The following IQCB1 variants were observed in gnomAD, a reference collection of about 807,000 sequenced individuals.
The protein encoded by IQCB1 is IQ motif containing B1, also known as IQ calmodulin-binding motif-containing protein 1.
Under a neutral mutation model 84.4 loss-of-function variants are expected in IQCB1, and 56 were observed. The observed-to-expected ratio is 0.66, with a 90% CI of 0.54 to 0.83. IQCB1 has a LOEUF of 0.83. Ranked by LOEUF, IQCB1 falls within the 40% of genes least tolerant of loss-of-function variation. The pLI is 0.00. For synonymous variants in IQCB1, 210 were observed against 234.8 expected, an observed-to-expected ratio of 0.89 and a Z score of 0.96; for missense variants, 629 against 682.1, an observed-to-expected ratio of 0.92 and a Z score of 0.87.
At chr3:121,814,275 G>C (rs1347474258) in intron 5 of IQCB1, among the ~76,000 whole-genome samples, 1 of 152,182 alleles carries the variant, frequency 6.6e-6, no homozygotes, top group Non-Finnish European at 1.5e-5. Flanking sequence ...ACAGTGTGTA[G>C]AGGGAAATTT....
chr3:121,791,709 G>GATA (rs1439611127), intron 10 of IQCB1, among the ~76,000 whole-genome samples: 1 of 152,206 alleles, frequency 6.6e-6, no homozygotes, highest in Admixed American at 6.5e-5. Flanking sequence ...ACAGCATGCA[G>GATA]ATAATAATGT....
intron 5 of IQCB1, among the ~76,000 whole-genome samples, chr3:121,815,382 T>G (rs1950011653): frequency 6.6e-6 from 1 of 152,172 alleles, no homozygotes; most frequent in Admixed American, 6.5e-5. Flanking sequence ...TCCACCCCTA[T>G]TCAACATAGT....
At position 121,770,399 on chromosome 3, in the gene IQCB1, A is replaced by C; in HGVS notation, c.1743T>G (p.Asp581Glu). The C allele has an allele frequency of 6.2e-7, 1 of 1,614,174 alleles. No individual in the cohort carries two copies. Among genetic ancestry groups the C allele is most frequent in the South Asian group, 1.1e-5 (1 of 91,088 alleles). ...AATTTTCTAATTCTATACTAAGCTC[A>C]TCCTTTGGAACATCAATCTCATCTC... ...ESGDEIDVPK[D>E]ELSIELENLF... Residue 581 changes from aspartate to glutamate, a missense_variant, in exon 15 of 15, where the codon GAT becomes GAG. Physicochemically the swap from Asp to Glu is conservative, Grantham distance 45. Coordinates refer to ENST00000310864, the MANE Select transcript of IQCB1 (RefSeq NM_001023570.4).
At chr3:121,788,778 G>A (rs1212595259) in intron 11 of IQCB1, among the ~76,000 whole-genome samples, 1 of 150,912 alleles carries the variant, frequency 6.6e-6, no homozygotes, top group East Asian at 1.9e-4. Flanking sequence ...GGCAAAATGT[G>A]TGTATGTGTT....
intron 13 of IQCB1, among the ~76,000 whole-genome samples, chr3:121,779,214 G>A (rs998683140): frequency 4.6e-5 from 7 of 151,954 alleles, no homozygotes; most frequent in Non-Finnish European, 8.8e-5. Context: ...TTTTTAGTTT[G>A]GAAAGTTTTC....
At chr3:121,834,289 C>T (rs1345527297) in intron 2 of IQCB1, 102 bp downstream of exon 2, 1 of 152,216 alleles carries the variant, frequency 6.6e-6, no homozygotes, top group Admixed American at 6.5e-5. Flanking sequence ...TGTAAACTTT[C>T]TCGAGTGTTT....
At chr3:121,825,147 G>A (rs1188448014) in intron 5 of IQCB1, among the ~76,000 whole-genome samples, 1 of 147,314 alleles carries the variant, frequency 6.8e-6, no homozygotes, top group Non-Finnish European at 1.5e-5. Context: ...TGCAACCTCT[G>A]CCTCCTGGGT....
intron 10 of IQCB1, 102 bp downstream of exon 10, chr3:121,795,355 A>G: frequency 2.6e-6 from 2 of 757,794 alleles, no homozygotes; most frequent in Non-Finnish European, 4.8e-6. Context: ...AAAAGATAAC[A>G]AGAAACATAC....
At chr3:121,821,288 A>C (rs1950265458) in intron 5 of IQCB1, among the ~76,000 whole-genome samples, 1 of 152,190 alleles carries the variant, frequency 6.6e-6, no homozygotes, top group Non-Finnish European at 1.5e-5. Context: ...CTGAATGAGA[A>C]TACTCTATCT....
intron 10 of IQCB1, among the ~76,000 whole-genome samples, chr3:121,791,816 C>T (rs1263379137): frequency 2.6e-5 from 4 of 152,172 alleles, no homozygotes; most frequent in Middle Eastern, 6.3e-3. Context: ...TGTGGCCGGG[C>T]GCGGTGGTTC....
chr3:121,785,614 G>A (rs771022576), intron 12 of IQCB1, among the ~76,000 whole-genome samples: 5 of 151,966 alleles, frequency 3.3e-5, no homozygotes, highest in Non-Finnish European at 7.4e-5. Flanking sequence ...AAAAATGGGC[G>A]AAACAATATT....
intron 5 of IQCB1, among the ~76,000 whole-genome samples, chr3:121,812,865 C>T (rs367786414): frequency 1.3e-5 from 2 of 152,160 alleles, no homozygotes; most frequent in South Asian, 2.1e-4. Context: ...TCCAGGAGAA[C>T]ATCCCCAACC....
intron 2 of IQCB1, chr3:121,833,996 T>C (rs1375891740): frequency 6.6e-6 from 1 of 152,202 alleles, no homozygotes; most frequent in African/African-American, 2.4e-5. Context: ...ATTTGAACAA[T>C]GAGCATACTT....
intron 5 of IQCB1, among the ~76,000 whole-genome samples, chr3:121,820,359 T>C (rs1273157130): frequency 6.6e-6 from 1 of 152,188 alleles, no homozygotes; most frequent in Non-Finnish European, 1.5e-5. Flanking sequence ...CCATCTAGCA[T>C]ATTGAGCCAT....
At position 121,770,223 on chromosome 3, in the gene IQCB1, G is replaced by C. The variant is rs180971258; in HGVS notation, c.*122C>G. 2 of 693,392 alleles carry C rather than the reference G, an allele frequency of 2.9e-6. No homozygotes were observed. Among genetic ancestry groups the C allele is most frequent in the East Asian group, 5.4e-5 (2 of 37,106 alleles). 43.0% of individuals were successfully genotyped at this position (693,392 alleles called of 1,614,324 possible). A position where few individuals can be genotyped will look rare whatever the true frequency, so the allele number is the denominator to read the frequency against. On this transcript the variant is annotated 3_prime_UTR_variant, in exon 15 of 15. Coordinates refer to ENST00000310864, the MANE Select transcript of IQCB1 (RefSeq NM_001023570.4). ...TAACTCTTTGCTTACTGCAGGTCTT[G>C]TCTGGAGGAGAACCTCTGGAAAATA...
At chr3:121,788,900 A>G (rs1212578625) in intron 11 of IQCB1, among the ~76,000 whole-genome samples, 4 of 152,130 alleles carry the variant, frequency 2.6e-5, no homozygotes, top group Non-Finnish European at 4.4e-5. Context: ...TTCACAGTAT[A>G]TATGTGACAG....
intron 10 of IQCB1, among the ~76,000 whole-genome samples, chr3:121,794,373 A>C (rs1403749301): frequency 6.6e-6 from 1 of 152,158 alleles, no homozygotes; most frequent in Non-Finnish European, 1.5e-5. Flanking sequence ...TGATCATACA[A>C]GTGTATAAAC....
chr3:121,793,283 T>C (rs765839026), intron 10 of IQCB1, among the ~76,000 whole-genome samples: 4 of 152,148 alleles, frequency 2.6e-5, no homozygotes, highest in Non-Finnish European at 5.9e-5. Context: ...AGTTTCTGAA[T>C]ACGAGAAATG....
chr3:121,804,604 A>G (rs1436491594), intron 7 of IQCB1, among the ~76,000 whole-genome samples: 2 of 151,866 alleles, frequency 1.3e-5, no homozygotes, highest in Non-Finnish European at 2.9e-5. Context: ...CTATTTCTCT[A>G]TATAATGTTT....
Sources: gnomAD v4.1 joint callset for allele counts (sites outside exome capture counted in the v4.1 genomes callset) on GRCh38, gnomAD v4.1.1 for gene constraint, MANE v1.5 for transcripts, NCBI Gene and HGNC (gene_info 2026-07-23, HGNC 2026-07-21) for gene names.